The following KCNIP4 variants were observed in gnomAD, a reference collection of about 807,000 sequenced individuals.
The protein encoded by KCNIP4 is Kv channel-interacting protein 4.
Under a neutral mutation model 34.0 loss-of-function variants are expected in KCNIP4, and 12 were observed. That is an observed-to-expected ratio of 0.35 (90% CI 0.23 to 0.57). The LOEUF is 0.57. Ranked by LOEUF, KCNIP4 falls within the 20% of genes least tolerant of loss-of-function variation. The probability of loss-of-function intolerance (pLI) is 0.83; values close to 1 mark genes in which losing one functional copy is unlikely to be tolerated. For missense variants in KCNIP4, 238 were observed against 311.7 expected (o/e 0.76, Z 1.78); for synonymous variants, 124 against 102.2 (o/e 1.21, Z -1.29).
chr4:21,012,246 C>T (rs1287178928), intron 1 of KCNIP4, among the ~76,000 whole-genome samples: 1 of 152,052 alleles, frequency 6.6e-6, no homozygotes, highest in Non-Finnish European at 1.5e-5. Flanking sequence ...TTAATCTAGG[C>T]TCTCCCAGGG....
At chr4:21,546,022 A>G (rs1439227248) in intron 1 of KCNIP4, among the ~76,000 whole-genome samples, 1 of 152,066 alleles carries the variant, frequency 6.6e-6, no homozygotes, top group Middle Eastern at 3.2e-3. Flanking sequence ...ACTTTACTCT[A>G]TGGACTTGCC....
chr4:20,840,218 A>G (rs941827926), intron 3 of KCNIP4, among the ~76,000 whole-genome samples: 1 of 152,172 alleles, frequency 6.6e-6, no homozygotes, highest in Non-Finnish European at 1.5e-5. Context: ...AGCTTGCCTC[A>G]GGTTTCCTCC....
intron 1 of KCNIP4, among the ~76,000 whole-genome samples, chr4:21,932,593 C>G (rs1729633524): frequency 6.6e-6 from 1 of 151,948 alleles, no homozygotes; most frequent in Admixed American, 6.6e-5. Context: ...AGAGAAATGC[C>G]TGTACAAGAG....
intron 1 of KCNIP4, among the ~76,000 whole-genome samples, chr4:21,536,284 C>T (rs2108988609): frequency 1.3e-5 from 2 of 152,274 alleles, no homozygotes; most frequent in African/African-American, 4.8e-5. Flanking sequence ...AGTTAACATG[C>T]TGTATAGATT....
intron 3 of KCNIP4, among the ~76,000 whole-genome samples, chr4:20,765,967 G>A (rs1394552955): frequency 6.6e-6 from 1 of 152,008 alleles, no homozygotes; most frequent in Non-Finnish European, 1.5e-5. Flanking sequence ...ATTTTAATAA[G>A]GCAGTATTAC....
At chr4:20,735,549 A>AGAT (rs1477639691) in intron 5 of KCNIP4, among the ~76,000 whole-genome samples, 2 of 56,786 alleles carry the variant, frequency 3.5e-5, no homozygotes, top group African/African-American at 1.5e-4. Flanking sequence ...TTTTTTTTTG[A>AGAT]GATGGAATCT....
At chr4:21,893,530 T>C (rs1321124576) in intron 1 of KCNIP4, among the ~76,000 whole-genome samples, 1 of 152,180 alleles carries the variant, frequency 6.6e-6, no homozygotes, top group Non-Finnish European at 1.5e-5. Context: ...ATCCCTATGA[T>C]ATTCAAATTG....
intron 1 of KCNIP4, among the ~76,000 whole-genome samples, chr4:21,681,627 T>C (rs866692020): frequency 7.0e-4 from 106 of 152,210 alleles, no homozygotes; most frequent in African/African-American, 2.2e-3. Flanking sequence ...ATTCATAGAA[T>C]TGAAGAGAGT....
chr4:21,336,499 A>G (rs1716193240), intron 1 of KCNIP4, among the ~76,000 whole-genome samples: 1 of 152,126 alleles, frequency 6.6e-6, no homozygotes, highest in Non-Finnish European at 1.5e-5. Context: ...ATTTGTGCAC[A>G]TCTCCCCAAA....
At chr4:21,291,868 AAAGAAAGAAAGAAAG>A (rs1407627122) in intron 1 of KCNIP4, among the ~76,000 whole-genome samples, 557 of 19,614 alleles carry the variant, frequency 0.028, 37 homozygotes, top group Middle Eastern at 0.043. Context: ...AAAAAAAAAA[AAAGAAAGAAAGAAAG>A]AAAGAAAGAA....
Position 21,347,225 on chromosome 4 carries a change from A to G in KCNIP4, c.62-464516T>C, listed in dbSNP as rs149255726. ...CAATGAACAATGAGGCTACCAGGAG[A>G]GAATCATAATAGCTAGATAGGGGAA... is the stretch of plus-strand genomic sequence containing the variant. On this transcript the variant is annotated intron_variant, in intron 1 of 8. Transcript: ENST00000382152. Among the ~76,000 whole-genome samples, 47 of 152,290 alleles carry G rather than the reference A, an allele frequency of 3.1e-4. 1 individual carries two copies. In the East Asian group the frequency reaches 8.7e-3, roughly 28 times the overall value.
At chr4:20,949,602 C>A (rs1732555763) in intron 1 of KCNIP4, among the ~76,000 whole-genome samples, 1 of 151,830 alleles carries the variant, frequency 6.6e-6, no homozygotes, top group East Asian at 1.9e-4. Flanking sequence ...AGACTTGGAA[C>A]CAACCCAAAT....
chr4:21,596,778 T>C (rs1742681058), intron 1 of KCNIP4, among the ~76,000 whole-genome samples: 1 of 152,046 alleles, frequency 6.6e-6, no homozygotes, highest in Non-Finnish European at 1.5e-5. Context: ...AAACCTTACT[T>C]AGGATCATAC....
intron 1 of KCNIP4, among the ~76,000 whole-genome samples, chr4:21,532,049 C>A (rs1196238336): frequency 1.3e-5 from 2 of 152,010 alleles, no homozygotes; most frequent in Non-Finnish European, 1.5e-5. Flanking sequence ...TACATATTTT[C>A]TGAATATTTT....
intron 1 of KCNIP4, among the ~76,000 whole-genome samples, chr4:21,707,721 T>C (rs914424230): frequency 2.6e-5 from 4 of 151,996 alleles, no homozygotes; most frequent in African/African-American, 7.3e-5. Context: ...TCCTGTCCAA[T>C]GGAGACATGA....
chr4:21,309,944 A>G (rs139842165), intron 1 of KCNIP4, among the ~76,000 whole-genome samples: 2,928 of 152,202 alleles, frequency 0.019, 42 homozygotes, highest in Non-Finnish European at 0.027. Flanking sequence ...TGCTGATACT[A>G]TGTAGATACT....
chr4:20,729,807 A>G lies in KCNIP4; in HGVS notation c.*275T>C. ...CAATAATCCCATGGCTAAGGAACCA[A>G]TAAAACTATATGCCAGATTCTATTA... is the stretch of plus-strand genomic sequence containing the variant. On this transcript the variant is annotated 3_prime_UTR_variant, in exon 9 of 9. Transcript: ENST00000382152. 1 of 324,662 alleles carries G rather than the reference A, an allele frequency of 3.1e-6. No individual in the cohort carries two copies. Among genetic ancestry groups the G allele is most frequent in the Non-Finnish European group, 5.6e-6 (1 of 178,976 alleles). The allele number at this position is 324,662 out of a possible 1,614,324, so 20.1% of individuals were successfully genotyped here.
chr4:20,952,485 T>C (rs1201920781), intron 1 of KCNIP4, among the ~76,000 whole-genome samples: 1 of 152,156 alleles, frequency 6.6e-6, no homozygotes, highest in Non-Finnish European at 1.5e-5. Context: ...TATCTAGTAA[T>C]TGATACCTTG....
At chr4:21,752,127 G>A (rs1717190371) in intron 1 of KCNIP4, among the ~76,000 whole-genome samples, 1 of 152,102 alleles carries the variant, frequency 6.6e-6, no homozygotes. Flanking sequence ...ATGTTGACTA[G>A]CACCTGCCTT....
Sources: gnomAD v4.1 joint callset for allele counts (sites outside exome capture counted in the v4.1 genomes callset) on GRCh38, gnomAD v4.1.1 for gene constraint, MANE v1.5 for transcripts, NCBI Gene and HGNC (gene_info 2026-07-23, HGNC 2026-07-21) for gene names.